The following FSTL5 variants were observed in gnomAD, a reference collection of about 807,000 sequenced individuals.
FSTL5 encodes the protein follistatin like 5.
Under a neutral mutation model 89.1 loss-of-function variants are expected in FSTL5, and 62 were observed. That is an observed-to-expected ratio of 0.70 (90% CI 0.57 to 0.86). The LOEUF is 0.86. FSTL5 is among the 40% of genes least tolerant of loss of function. The pLI is 0.00. For synonymous variants in FSTL5, 383 were observed against 346.2 expected (o/e 1.11, Z -1.18); for missense variants, 1,057 against 1,001.6 (o/e 1.06, Z -0.75).
intron 6 of FSTL5, among the ~76,000 whole-genome samples, chr4:161,721,464 C>T (rs564316318): frequency 3.3e-5 from 5 of 152,070 alleles, no homozygotes; most frequent in Admixed American, 6.5e-5. Flanking sequence ...GGGTTACACA[C>T]GTATATACTT....
In FSTL5 at chr4:161,589,529, G is replaced by GC. The variant is rs200109552; in HGVS notation, c.895-1955dup. ...GACAGGTTTTCACTATGTTGGCCAT[G>GC]CTGATCTCAAACTCCTGGCCTCAAG... On this transcript the variant is annotated intron_variant, in intron 7 of 15. Coordinates refer to ENST00000306100, the MANE Select transcript of FSTL5 (RefSeq NM_020116.5). Among the ~76,000 whole-genome samples, 799 of 152,002 alleles carry GC rather than the reference G, an allele frequency of 5.3e-3. 7 individuals are homozygous for GC. The highest frequency in any genetic ancestry group is 0.018 in the African/African-American group (740 of 41,442).
At chr4:161,865,149 T>C (rs1357861842) in intron 4 of FSTL5, among the ~76,000 whole-genome samples, 3 of 152,080 alleles carry the variant, frequency 2.0e-5, no homozygotes, top group African/African-American at 7.2e-5. Context: ...GGCACTTGTA[T>C]GTATCAAGTG....
intron 4 of FSTL5, among the ~76,000 whole-genome samples, chr4:161,818,855 T>C (rs561516570): frequency 3.3e-4 from 50 of 152,286 alleles, no homozygotes; most frequent in Non-Finnish European, 5.1e-4. Context: ...TTAAAAGTGT[T>C]TTTGCATTTT....
chr4:161,395,247 A>G (rs1730957029), intron 15 of FSTL5, among the ~76,000 whole-genome samples: 1 of 152,130 alleles, frequency 6.6e-6, no homozygotes, highest in South Asian at 2.1e-4. Flanking sequence ...GTAACACTAG[A>G]AAATAAACTG....
intron 8 of FSTL5, among the ~76,000 whole-genome samples, chr4:161,554,449 T>A (rs755014963): frequency 6.6e-6 from 1 of 150,946 alleles, no homozygotes; most frequent in Non-Finnish European, 1.5e-5. Flanking sequence ...CTTCATACTT[T>A]CATACACTGA....
At chr4:161,721,284 CAAAA>C (rs34307838) in intron 6 of FSTL5, among the ~76,000 whole-genome samples, 2 of 65,124 alleles carry the variant, frequency 3.1e-5, no homozygotes, top group African/African-American at 5.6e-5. Context: ...GACTCCGTCT[CAAAA>C]AAAAAAAAAA....
chr4:161,502,095 G>A (rs991551704), intron 11 of FSTL5, among the ~76,000 whole-genome samples: 1 of 151,848 alleles, frequency 6.6e-6, no homozygotes, highest in Non-Finnish European at 1.5e-5. Context: ...AATACTGTTC[G>A]AAAATTATGA....
intron 3 of FSTL5, among the ~76,000 whole-genome samples, chr4:161,992,222 G>C (rs1217691575): frequency 6.6e-6 from 1 of 152,174 alleles, no homozygotes; most frequent in African/African-American, 2.4e-5. Flanking sequence ...TATCTGAATG[G>C]CTCTGGCTAC....
chr4:161,544,711 A>T (rs1201978261), intron 8 of FSTL5, among the ~76,000 whole-genome samples: 1 of 152,032 alleles, frequency 6.6e-6, no homozygotes, highest in Admixed American at 6.6e-5. Context: ...GAGTTATAAG[A>T]AATAAATAAA....
At chr4:161,840,923 G>C (rs879804924) in intron 4 of FSTL5, among the ~76,000 whole-genome samples, 2 of 152,148 alleles carry the variant, frequency 1.3e-5, no homozygotes, top group Non-Finnish European at 2.9e-5. Context: ...ATAATAGATA[G>C]AGATACAGAC....
At position 161,920,508 on chromosome 4, in the gene FSTL5, C is replaced by A. The variant is rs1371092427; in HGVS notation, c.305G>T (p.Gly102Val). 1.2e-6 allele frequency: 2 copies of A among 1,613,994 alleles called. No individual in the cohort carries two copies. The highest frequency in any genetic ancestry group is 1.3e-5 in the African/African-American group (1 of 75,000). ...LCKRHYKPVC[G>V]SDGEFYENHC... Reference sequence around the variant, plus strand: ...GTTTTCATAGAATTCTCCGTCAGATCCACACACAGGTTTGTAGTGACGTTT... The same window carrying A: ...GTTTTCATAGAATTCTCCGTCAGATACACACACAGGTTTGTAGTGACGTTT... Residue 102 changes from glycine to valine, a missense_variant, in exon 4 of 16, where the codon GGA becomes GTA. Gly to Val is a moderately radical substitution (Grantham distance 109, BLOSUM62 -3). Around this residue, in one of 3 missense-constraint regions of FSTL5, gnomAD observed 980 missense variants for 903.2 expected, o/e 1.08. Transcript: ENST00000306100.
At chr4:161,628,248 A>G (rs1011314385) in intron 7 of FSTL5, among the ~76,000 whole-genome samples, 3 of 152,172 alleles carry the variant, frequency 2.0e-5, no homozygotes, top group Non-Finnish European at 4.4e-5. Flanking sequence ...AGTTTCTAAC[A>G]TTTTTATACA....
chr4:161,832,423 T>C (rs1730877217), intron 4 of FSTL5, among the ~76,000 whole-genome samples: 1 of 152,168 alleles, frequency 6.6e-6, no homozygotes, highest in East Asian at 1.9e-4. Flanking sequence ...TTCCCTCTTT[T>C]TCTATTGATT....
chr4:161,969,228 T>A (rs966239956), intron 3 of FSTL5, among the ~76,000 whole-genome samples: 1 of 152,200 alleles, frequency 6.6e-6, no homozygotes, highest in Non-Finnish European at 1.5e-5. Flanking sequence ...CTACTAAGTA[T>A]AGACAAGTAC....
intron 8 of FSTL5, among the ~76,000 whole-genome samples, chr4:161,555,609 C>T (rs1322564627): frequency 6.6e-6 from 1 of 151,534 alleles, no homozygotes; most frequent in Admixed American, 6.6e-5. Context: ...GAACGCATCT[C>T]TAATACTTTC....
chr4:162,016,592 C>T (rs1736922765), intron 3 of FSTL5, among the ~76,000 whole-genome samples: 2 of 152,190 alleles, frequency 1.3e-5, no homozygotes, highest in South Asian at 4.1e-4. Flanking sequence ...TTTAGTGTCT[C>T]TAGATTTTAA....
chr4:161,413,737 T>C (rs887754644), intron 15 of FSTL5, among the ~76,000 whole-genome samples: 3 of 152,136 alleles, frequency 2.0e-5, no homozygotes, highest in African/African-American at 7.2e-5. Flanking sequence ...GAATACTACA[T>C]AGACATAAAA....
At chr4:161,709,989 G>A (rs1738723499) in intron 6 of FSTL5, among the ~76,000 whole-genome samples, 1 of 151,960 alleles carries the variant, frequency 6.6e-6, no homozygotes, top group Non-Finnish European at 1.5e-5. Context: ...TGTTTTTTGA[G>A]ACAGGATCTC....
intron 4 of FSTL5, among the ~76,000 whole-genome samples, chr4:161,874,750 A>G (rs940451006): frequency 6.6e-6 from 1 of 152,084 alleles, no homozygotes; most frequent in Admixed American, 6.6e-5. Context: ...TGTAATATTA[A>G]TTATAGTATG....
Sources: allele counts gnomAD v4.1 joint callset (sites outside exome capture counted in the v4.1 genomes callset), GRCh38; gene constraint gnomAD v4.1.1; regional missense constraint gnomAD v4.1.1; transcripts MANE v1.5; gene names NCBI Gene and HGNC (gene_info 2026-07-23, HGNC 2026-07-21).